SPOCK3: variants seen among roughly 807,000 people sequenced by gnomAD.
The protein encoded by SPOCK3 is testican-3.
A neutral mutation model predicts 56.6 loss-of-function variants in SPOCK3; 30 were observed. The observed-to-expected ratio is 0.53, with a 90% CI of 0.40 to 0.72. The LOEUF (loss-of-function observed/expected upper bound fraction) is 0.72, where lower values mean the gene tolerates loss of function less well. Ranked by LOEUF, SPOCK3 falls within the 30% of genes least tolerant of loss-of-function variation. The pLI is 0.00. For synonymous variants in SPOCK3, 196 were observed against 183.3 expected (o/e 1.07, Z -0.56); for missense variants, 527 against 530.0 (o/e 0.99, Z 0.06).
At chr4:167,027,786 G>A (rs1312413694) in intron 3 of SPOCK3, among the ~76,000 whole-genome samples, 10 of 152,028 alleles carry the variant, frequency 6.6e-5, no homozygotes, top group Non-Finnish European at 1.0e-4. Context: ...CTTTATTCTC[G>A]TTGTCTTCAA....
chr4:166,857,192 GT>G (rs977794284), intron 6 of SPOCK3, among the ~76,000 whole-genome samples: 2 of 152,196 alleles, frequency 1.3e-5, no homozygotes, highest in Non-Finnish European at 2.9e-5. Context: ...GTTTCTCTCT[GT>G]TTATCCAGCT....
At chr4:167,084,161 T>C (rs1757974292) in intron 2 of SPOCK3, among the ~76,000 whole-genome samples, 1 of 152,098 alleles carries the variant, frequency 6.6e-6, no homozygotes, top group African/African-American at 2.4e-5. Context: ...TCTCTCAATT[T>C]ATTATATATT....
chr4:167,044,446 T>TTA (rs1753532437), intron 3 of SPOCK3, among the ~76,000 whole-genome samples: 1 of 145,650 alleles, frequency 6.9e-6, no homozygotes, highest in Non-Finnish European at 1.5e-5. Flanking sequence ...TACTCTATTA[T>TTA]TTTTTTCTCC....
At position 167,057,581 on chromosome 4, in the gene SPOCK3, A is replaced by C. The variant is rs542882224; in HGVS notation, c.235+4911T>G. On this transcript the variant is annotated intron_variant, in intron 3 of 10. Transcript: ENST00000357545. ...GACACACATAGGCTCAAAATAAAAG[A>C]ATGCAGGAAGATCTACCAAGCAAAT... Among the ~76,000 whole-genome samples the C allele has an allele frequency of 2.0e-4, 30 of 152,136 alleles. 1 individual carries two copies. The South Asian group carries it at 6.2e-3, about 32-fold the overall frequency.
At position 166,782,139 on chromosome 4, in the gene SPOCK3, T is replaced by C. The variant is rs542319130; in HGVS notation, c.709+10031A>G. Reference sequence around the variant, plus strand: ...CCTCTTCTCTAGTTATTTTGAAACATATGAAACACACAATAAATTAGAGTT... The same window carrying C: ...CCTCTTCTCTAGTTATTTTGAAACACATGAAACACACAATAAATTAGAGTT... On this transcript the variant is annotated intron_variant, in intron 7 of 10. Coordinates refer to ENST00000357545, the MANE Select transcript of SPOCK3 (RefSeq NM_001040159.2). 5.3e-5 allele frequency among the ~76,000 whole-genome samples: 8 copies of C among 152,270 alleles called. No homozygotes were observed. In the East Asian group the frequency reaches 1.5e-3, roughly 29 times the overall value.
At chr4:166,820,698 C>A (rs931261418) in intron 6 of SPOCK3, among the ~76,000 whole-genome samples, 2 of 151,824 alleles carry the variant, frequency 1.3e-5, no homozygotes, top group Non-Finnish European at 2.9e-5. Context: ...TTGGTGTGTA[C>A]CTGTGGTTCC....
chr4:167,156,216 A>G (rs1397423504), intron 2 of SPOCK3, among the ~76,000 whole-genome samples: 4 of 152,134 alleles, frequency 2.6e-5, no homozygotes, highest in Non-Finnish European at 5.9e-5. Flanking sequence ...TGTGCTATCC[A>G]CATTCCAAGT....
chr4:167,167,759 G>T (rs1257119157), intron 2 of SPOCK3, among the ~76,000 whole-genome samples: 1 of 152,074 alleles, frequency 6.6e-6, no homozygotes, highest in African/African-American at 2.4e-5. Context: ...TTCTGTATAT[G>T]TATTAATAAA....
chr4:166,913,592 C>T (rs1166083204), intron 4 of SPOCK3, among the ~76,000 whole-genome samples: 1 of 152,074 alleles, frequency 6.6e-6, no homozygotes, highest in Admixed American at 6.6e-5. Context: ...AGATATTTTA[C>T]CAGAAACATT....
At chr4:166,918,180 A>G (rs569960143) in intron 4 of SPOCK3, among the ~76,000 whole-genome samples, 1 of 152,308 alleles carries the variant, frequency 6.6e-6, no homozygotes, top group African/African-American at 2.4e-5. Context: ...GACAGTTGCT[A>G]TTAGCTGACT....
chr4:167,207,245 A>T (rs1734435495), intron 2 of SPOCK3, among the ~76,000 whole-genome samples: 1 of 152,096 alleles, frequency 6.6e-6, no homozygotes, highest in South Asian at 2.1e-4. Flanking sequence ...ATTTATTTAA[A>T]CTCTTTGACA....
intron 10 of SPOCK3, among the ~76,000 whole-genome samples, chr4:166,737,059 AC>A (rs1211091183): frequency 6.6e-6 from 1 of 152,128 alleles, no homozygotes; most frequent in Non-Finnish European, 1.5e-5. Context: ...TGGCTGGTGA[AC>A]CCACATATTC....
At chr4:166,842,842 T>G (rs1188432899) in intron 6 of SPOCK3, among the ~76,000 whole-genome samples, 1 of 152,216 alleles carries the variant, frequency 6.6e-6, no homozygotes, top group Non-Finnish European at 1.5e-5. Context: ...CGGCCTGCAC[T>G]CCTCAGCCTT....
chr4:166,783,072 G>C (rs538536844), intron 7 of SPOCK3, among the ~76,000 whole-genome samples: 6 of 152,250 alleles, frequency 3.9e-5, no homozygotes, highest in African/African-American at 1.4e-4. Context: ...AAATGAAGTA[G>C]ATTTGGTGGG....
chr4:166,792,182 G>C lies in SPOCK3; in HGVS notation c.697C>G (p.Pro233Ala). 1 of 1,613,694 alleles carries C rather than the reference G, an allele frequency of 6.2e-7. No individual in the cohort carries two copies. The highest frequency in any genetic ancestry group is 8.5e-7 in the Non-Finnish European group (1 of 1,179,772). Residue 233 changes from proline (P) to alanine (A), a missense_variant, in exon 7 of 11, where the codon CCT becomes GCT. Pro to Ala is a conservative substitution (Grantham distance 27, BLOSUM62 -1). Coordinates refer to ENST00000357545, the MANE Select transcript of SPOCK3 (RefSeq NM_001040159.2). ...QNKKTKTLLR[P>A]ERSRFDTSIL... ...TTAGAAATCTTACTGCTTCTCTCAGGCCTCAGCAATGTTTTTGTCTTCTTG... is the reference window on the plus strand; with the variant it reads ...TTAGAAATCTTACTGCTTCTCTCAGCCCTCAGCAATGTTTTTGTCTTCTTG...
intron 6 of SPOCK3, among the ~76,000 whole-genome samples, chr4:166,841,333 A>G (rs1747288857): frequency 6.6e-6 from 1 of 152,222 alleles, no homozygotes; most frequent in Non-Finnish European, 1.5e-5. Flanking sequence ...GATGTCACAG[A>G]ATAAGAATAA....
At chr4:166,828,251 C>T (rs916973099) in intron 6 of SPOCK3, among the ~76,000 whole-genome samples, 4 of 151,878 alleles carry the variant, frequency 2.6e-5, no homozygotes, top group African/African-American at 7.2e-5. Flanking sequence ...CAACTAGTCA[C>T]AGTTTATACA....
intron 2 of SPOCK3, among the ~76,000 whole-genome samples, chr4:167,103,053 T>A (rs1675019046): frequency 6.6e-6 from 1 of 151,566 alleles, no homozygotes; most frequent in African/African-American, 2.4e-5. Flanking sequence ...GAGGCCCCCA[T>A]TCCAGGTACT....
chr4:166,797,050 G>A (rs972083961), intron 6 of SPOCK3, among the ~76,000 whole-genome samples: 1 of 152,066 alleles, frequency 6.6e-6, no homozygotes, highest in Non-Finnish European at 1.5e-5. Flanking sequence ...GTGCTCTGAT[G>A]GCACAATGTT....
Sources: gnomAD v4.1 joint callset for allele counts (sites outside exome capture counted in the v4.1 genomes callset) on GRCh38, gnomAD v4.1.1 for gene constraint, MANE v1.5 for transcripts, NCBI Gene and HGNC (gene_info 2026-07-23, HGNC 2026-07-21) for gene names.